AHCY: variants seen among roughly 807,000 people sequenced by gnomAD.
The protein encoded by AHCY is adenosylhomocysteinase, also known as S-adenosyl-L-homocysteine hydrolase.
A neutral mutation model predicts 45.4 loss-of-function variants in AHCY; 24 were observed. That is an observed-to-expected ratio of 0.53 (90% CI 0.38 to 0.74). The LOEUF is 0.74. Ranked by LOEUF, AHCY falls within the 30% of genes least tolerant of loss-of-function variation. The pLI, the probability that AHCY is intolerant of heterozygous loss-of-function variation, is 0.00. For missense variants in AHCY, 449 were observed against 594.1 expected (o/e 0.76, Z 2.54); for synonymous variants, 245 against 235.1 (o/e 1.04, Z -0.39).
intron 8 of AHCY, among the ~76,000 whole-genome samples, chr20:34,289,123 C>T (rs1383126871): frequency 3.9e-5 from 6 of 152,142 alleles, no homozygotes; most frequent in Middle Eastern, 6.3e-3. Context: ...CATGCCTCAG[C>T]CTCCCGAGTA....
At chr20:34,237,402 T>C in the AHCY span, among the ~76,000 whole-genome samples, 2 of 152,236 alleles carry the variant, frequency 1.3e-5, no homozygotes, top group Non-Finnish European at 2.9e-5. Flanking sequence ...GCTATGTTAA[T>C]TCCTAATTCT....
chr20:34,269,604 A>G, the AHCY span, among the ~76,000 whole-genome samples: 4 of 151,328 alleles, frequency 2.6e-5, no homozygotes, highest in East Asian at 7.8e-4. Flanking sequence ...AGTCTCACAC[A>G]TTTCCTCCTA....
intron 1 of AHCY, among the ~76,000 whole-genome samples, chr20:34,299,115 TTTGTC>T (rs1415486302): frequency 6.6e-6 from 1 of 152,074 alleles, no homozygotes; most frequent in Non-Finnish European, 1.5e-5. Context: ...CTCTTGTCTC[TTTGTC>T]TTGTATCTTT....
intron 1 of AHCY, chr20:34,302,712 C>G: frequency 5.1e-6 from 5 of 988,148 alleles, no homozygotes; most frequent in Non-Finnish European, 6.0e-6. Context: ...GGGGACCCCA[C>G]AGGTTGGGTA....
At chr20:34,275,517 A>T (rs1305728184), downstream of AHCY, among the ~76,000 whole-genome samples, 1 of 152,156 alleles carries the variant, frequency 6.6e-6, no homozygotes, top group East Asian at 1.9e-4. Context: ...ATTGTCAGAC[A>T]GCAACCTATT....
the AHCY span, among the ~76,000 whole-genome samples, chr20:34,256,799 A>T: frequency 2.0e-5 from 3 of 152,246 alleles, no homozygotes; most frequent in South Asian, 6.2e-4. Context: ...TTTTTGAGAT[A>T]GAGTCTCACT....
the AHCY span, among the ~76,000 whole-genome samples, chr20:34,235,242 C>T: frequency 6.6e-6 from 1 of 152,156 alleles, no homozygotes; most frequent in Non-Finnish European, 1.5e-5. Context: ...GAGTTTGAGA[C>T]CAGCCTGATC....
At chr20:34,292,254 C>T in intron 4 of AHCY, 104 bp downstream of exon 4, 2 of 1,409,502 alleles carry the variant, frequency 1.4e-6, no homozygotes, top group Non-Finnish European at 1.9e-6. Context: ...CCAGATCCTG[C>T]TGCTTGAGGT....
downstream of AHCY, among the ~76,000 whole-genome samples, chr20:34,279,141 A>C (rs938510468): frequency 7.0e-6 from 1 of 143,124 alleles, no homozygotes; most frequent in African/African-American, 2.6e-5. Context: ...AAGGCCAGGC[A>C]CGGTGGCTCA....
rs781339033 is a variant in AHCY at position 34,281,081 on chromosome 20, C to T, written c.1252G>A (p.Gly418Ser). ...TTGAAGGGGCCATCACAGGACATGC[C>T]CAGGTACTGGGCTTGCTTCTCAGTT... is the stretch of plus-strand genomic sequence containing the variant. ...KLTEKQAQYL[G>S]MSCDGPFKPD... is the part of the protein sequence containing the mutation. Residue 418 changes from glycine to serine, a missense_variant, in exon 10 of 10, where the codon GGC becomes AGC. Transcript: ENST00000217426. 2 of 1,614,164 alleles carry T rather than the reference C, an allele frequency of 1.2e-6. No individual in the cohort carries two copies. The highest frequency in any genetic ancestry group is 2.2e-5 in the South Asian group (2 of 91,076).
chr20:34,273,397 T>C, the AHCY span, among the ~76,000 whole-genome samples: 59 of 152,332 alleles, frequency 3.9e-4, no homozygotes, highest in African/African-American at 1.4e-3. Flanking sequence ...ATGGAAATGG[T>C]AGCATCAAAA....
chr20:34,310,930 G>A (rs938367113), intron 1 of AHCY, among the ~76,000 whole-genome samples: 5 of 151,922 alleles, frequency 3.3e-5, no homozygotes, highest in Admixed American at 6.6e-5. Flanking sequence ...GTTCGAGATC[G>A]GCCTGGCCAA....
chr20:34,285,737 G>A lies in AHCY; in HGVS notation c.973-103C>T, dbSNP rs1292457330. 5 of 1,294,214 alleles carry A rather than the reference G, an allele frequency of 3.9e-6. No individual in the cohort carries two copies. The African/African-American group carries it at 7.4e-5, about 19-fold the overall frequency. The allele number at this position is 1,294,214 out of a possible 1,614,324, so 80.2% of individuals were successfully genotyped here. A position where few individuals can be genotyped will look rare whatever the true frequency, so the allele number is the denominator to read the frequency against. On this transcript the variant is annotated intron_variant, in intron 8 of 9. Coordinates refer to ENST00000217426, the MANE Select transcript of AHCY (RefSeq NM_000687.4). ...CTGCCTCCAACAGTGCCCATGAGGA[G>A]TCCGAACTGCTCCAAAACAACCTCC... is the stretch of plus-strand genomic sequence containing the variant.
At chr20:34,280,147 C>G (rs1258849971), downstream of AHCY, 1 of 152,170 alleles carries the variant, frequency 6.6e-6, no homozygotes, top group Non-Finnish European at 1.5e-5. Context: ...AGCCTAAGGA[C>G]CACAGACAGC....
Position 34,280,914 on chromosome 20 carries a change from CAG to C in AHCY, c.*118_*119del, listed in dbSNP as rs2035978108. The C allele has an allele frequency of 1.4e-6, 2 of 1,476,222 alleles. No homozygotes were observed. Among genetic ancestry groups the C allele is most frequent in the Non-Finnish European group, 1.8e-6 (2 of 1,083,476 alleles). The allele number at this position is 1,476,222 out of a possible 1,614,324, so 91.4% of individuals were successfully genotyped here. Reference sequence around the variant, plus strand: ...AGGCCAAAAACTAAGTGATCAGCCCCAGAGAGTCGATGGGGGACACTGACAAA... The same window carrying C: ...AGGCCAAAAACTAAGTGATCAGCCCCAGAGTCGATGGGGGACACTGACAAA... On this transcript the variant is annotated 3_prime_UTR_variant, in exon 10 of 10. Transcript: ENST00000217426.
At position 34,302,510 on chromosome 20, in the gene AHCY, A is replaced by G. The variant is rs756728707; in HGVS notation, c.28+733T>C. The G allele has an allele frequency of 1.6e-4, 122 of 762,668 alleles. 1 individual carries two copies. In the Middle Eastern group the frequency reaches 6.0e-3, roughly 37 times the overall value. 47.2% of individuals were successfully genotyped at this position (762,668 alleles called of 1,614,324 possible). ...ACCTCTGCCTCAGGATTCTCATCAT[A>G]AAATGAGAACAGTTTCCCTATAGAG... is the stretch of plus-strand genomic sequence containing the variant. On this transcript the variant is annotated intron_variant, in intron 1 of 9. Transcript: ENST00000217426.
the AHCY span, among the ~76,000 whole-genome samples, chr20:34,237,674 C>T: frequency 6.6e-6 from 1 of 152,252 alleles, no homozygotes; most frequent in East Asian, 1.9e-4. Flanking sequence ...CTAGGTAGAA[C>T]TTCCAGTACT....
rs1568789241 is a variant in AHCY, at chr20:34,285,640, C to CGCAGGCAGGGCAACAGTGAAG, written c.973-27_973-7dup. On this transcript the variant is annotated splice_polypyrimidine_tract_variant and splice_region_variant and intron_variant, in intron 8 of 9. Coordinates refer to ENST00000217426, the MANE Select transcript of AHCY (RefSeq NM_000687.4). ...TTCAACCGATACCGGTCCACCTACA[C>CGCAGGCAGGGCAACAGTGAAG]GCAGGCAGGGCAACAGTGAAGGCAG... The CGCAGGCAGGGCAACAGTGAAG allele has an allele frequency of 1.9e-6, 3 of 1,612,436 alleles. No individual in the cohort carries two copies. The highest frequency in any genetic ancestry group is 2.2e-5 in the East Asian group (1 of 44,862).
the AHCY span, among the ~76,000 whole-genome samples, chr20:34,242,540 T>C: frequency 5.3e-5 from 8 of 152,248 alleles, no homozygotes; most frequent in Non-Finnish European, 1.0e-4. Flanking sequence ...GCCAGTCATT[T>C]TGGGTTTTCT....
Sources: allele counts gnomAD v4.1 joint callset (sites outside exome capture counted in the v4.1 genomes callset), GRCh38; gene constraint gnomAD v4.1.1; transcripts MANE v1.5; gene names NCBI Gene and HGNC (gene_info 2026-07-23, HGNC 2026-07-21).